UNC13C: variants seen among roughly 807,000 people sequenced by gnomAD.
The protein encoded by UNC13C is unc-13 homolog C, also known as protein unc-13 homolog C.
Under a neutral mutation model 245.4 loss-of-function variants are expected in UNC13C, and 174 were observed. That is an observed-to-expected ratio of 0.71 (90% CI 0.63 to 0.80). The LOEUF (loss-of-function observed/expected upper bound fraction) is 0.80. Among genes scored for constraint, UNC13C ranks in the 30% least tolerant of loss-of-function variants. The pLI, the probability that UNC13C is intolerant of heterozygous loss-of-function variation, is 0.00. For missense variants in UNC13C, 2,829 were observed against 2,602.9 expected (o/e 1.09, Z -1.89); for synonymous variants, 992 against 895.1 (o/e 1.11, Z -1.93).
intron 19 of UNC13C, among the ~76,000 whole-genome samples, chr15:54,442,851 A>T (rs530510347): frequency 5.9e-5 from 9 of 152,038 alleles, no homozygotes; most frequent in African/African-American, 2.2e-4. Context: ...ATCTATGTTC[A>T]TCAGGGATAT....
At chr15:54,513,125 A>G (rs1241735916) in intron 24 of UNC13C, among the ~76,000 whole-genome samples, 1 of 152,200 alleles carries the variant, frequency 6.6e-6, no homozygotes, top group East Asian at 1.9e-4. Flanking sequence ...ATTCTGCTGA[A>G]TTAGGTAAGC....
chr15:54,184,663 A>G (rs1333957966), intron 4 of UNC13C, among the ~76,000 whole-genome samples: 1 of 152,172 alleles, frequency 6.6e-6, no homozygotes, highest in Non-Finnish European at 1.5e-5. Flanking sequence ...AATCCAGTCC[A>G]TCATCGTTGG....
chr15:54,229,074 TG>T (rs1378850513), intron 4 of UNC13C, among the ~76,000 whole-genome samples: 1 of 152,204 alleles, frequency 6.6e-6, no homozygotes, highest in African/African-American at 2.4e-5. Context: ...ATGCTCCTTC[TG>T]TGGGCACTGG....
intron 29 of UNC13C, among the ~76,000 whole-genome samples, chr15:54,560,555 T>C (rs1305857274): frequency 6.6e-6 from 1 of 151,954 alleles, no homozygotes. Flanking sequence ...ATACTTCATA[T>C]ATAGCTCCTT....
chr15:54,560,440 AT>A (rs943878999), intron 29 of UNC13C, among the ~76,000 whole-genome samples: 25 of 148,226 alleles, frequency 1.7e-4, no homozygotes, highest in African/African-American at 2.5e-4. Flanking sequence ...TAGCAGTACT[AT>A]TTTTTTTTTG....
intron 2 of UNC13C, among the ~76,000 whole-genome samples, chr15:54,128,438 C>T (rs932996039): frequency 2.0e-5 from 3 of 152,106 alleles, no homozygotes; most frequent in African/African-American, 4.8e-5. Context: ...TTTGTTTTAG[C>T]GGCATTGGAA....
chr15:54,368,076 A>G (rs746562065), intron 17 of UNC13C, among the ~76,000 whole-genome samples: 39 of 152,118 alleles, frequency 2.6e-4, no homozygotes, highest in Non-Finnish European at 4.6e-4. Flanking sequence ...TTGACCCTTA[A>G]ATTTTGCACT....
At position 54,015,775 on chromosome 15, in the gene UNC13C, C is replaced by G. The variant is rs762153075; in HGVS notation, c.2872C>G (p.Gln958Glu). Residue 958 changes from glutamine (Q) to glutamate (E), a missense_variant, in exon 2 of 33, where the codon CAG becomes GAG. Physicochemically the swap from Gln to Glu is conservative, Grantham distance 29. Coordinates refer to ENST00000260323, the MANE Select transcript of UNC13C (RefSeq NM_001080534.3). The part of the protein sequence containing the change: ...REDENQNIPE[Q>E]PVEITKPKRI... ...AGATGAAAACCAAAACATTCCTGAA[C>G]AGCCAGTGGAGATCACAAAGCCAAA... 6.2e-7 allele frequency: 1 copy of G among 1,612,496 alleles called. No individual in the cohort carries two copies. The highest frequency in any genetic ancestry group is 8.5e-7 in the Non-Finnish European group (1 of 1,179,112).
chr15:53,950,365 GT>G, the UNC13C span, among the ~76,000 whole-genome samples: 4 of 151,890 alleles, frequency 2.6e-5, no homozygotes, highest in South Asian at 2.1e-4. Context: ...TCTTAAATAA[GT>G]TTTTTCCCCT....
chr15:54,307,381 G>A (rs977992818), intron 13 of UNC13C, among the ~76,000 whole-genome samples: 4 of 151,836 alleles, frequency 2.6e-5, no homozygotes, highest in African/African-American at 4.8e-5. Context: ...TTCATGAGGG[G>A]CTCCCCACTT....
At chr15:53,927,210 G>A in the UNC13C span, among the ~76,000 whole-genome samples, 1 of 152,162 alleles carries the variant, frequency 6.6e-6, no homozygotes, top group Non-Finnish European at 1.5e-5. Flanking sequence ...AGTGAGTGAT[G>A]GAATCAGGAT....
At chr15:54,595,252 G>C (rs1343962949) in intron 30 of UNC13C, among the ~76,000 whole-genome samples, 1 of 151,956 alleles carries the variant, frequency 6.6e-6, no homozygotes, top group Non-Finnish European at 1.5e-5. Context: ...ATGCTCTCGG[G>C]GCCTAAGGAC....
At chr15:54,307,088 T>C (rs1412096271) in intron 13 of UNC13C, among the ~76,000 whole-genome samples, 1 of 152,032 alleles carries the variant, frequency 6.6e-6, no homozygotes, top group Non-Finnish European at 1.5e-5. Context: ...ATTTATTCAA[T>C]AGATTTTCTG....
At chr15:54,295,116 A>C (rs2037394969) in intron 11 of UNC13C, among the ~76,000 whole-genome samples, 1 of 152,096 alleles carries the variant, frequency 6.6e-6, no homozygotes, top group South Asian at 2.1e-4. Context: ...CTCTGCTATA[A>C]TGAGCCACCC....
chr15:54,494,483 T>C, intron 19 of UNC13C, 125 bp from the exon 20 acceptor site: 5 of 922,356 alleles, frequency 5.4e-6, no homozygotes, highest in Non-Finnish European at 7.4e-6. Flanking sequence ...AGCAATTCAT[T>C]ATACCTTTAC....
intron 30 of UNC13C, among the ~76,000 whole-genome samples, chr15:54,583,646 C>T (rs1379122582): frequency 6.6e-6 from 1 of 152,290 alleles, no homozygotes; most frequent in South Asian, 2.1e-4. Context: ...TGGAAACTGC[C>T]ATAAATGTGG....
At chr15:54,278,139 ATTT>A (rs1344240147) in intron 10 of UNC13C, among the ~76,000 whole-genome samples, 3 of 151,980 alleles carry the variant, frequency 2.0e-5, no homozygotes, top group Non-Finnish European at 4.4e-5. Flanking sequence ...ACCTCTGACT[ATTT>A]TGCCTAGTTT....
At chr15:54,200,422 A>G (rs756350921) in intron 4 of UNC13C, among the ~76,000 whole-genome samples, 117 of 152,216 alleles carry the variant, frequency 7.7e-4, no homozygotes, top group Non-Finnish European at 9.4e-4. Context: ...GATAGACCAT[A>G]TGACAGGCCA....
intron 2 of UNC13C, among the ~76,000 whole-genome samples, chr15:54,125,070 T>C (rs2030944783): frequency 6.6e-6 from 1 of 152,212 alleles, no homozygotes; most frequent in Admixed American, 6.5e-5. Context: ...AATAAAGTAA[T>C]CCCTCCCATT....
Sources: gnomAD v4.1 joint callset for allele counts (sites outside exome capture counted in the v4.1 genomes callset) on GRCh38, gnomAD v4.1.1 for gene constraint, MANE v1.5 for transcripts, NCBI Gene and HGNC (gene_info 2026-07-23, HGNC 2026-07-21) for gene names.